The following TMEM132B variants were observed in gnomAD, a reference collection of about 807,000 sequenced individuals.
TMEM132B encodes transmembrane protein 132B.
In TMEM132B, 18 loss-of-function variants were observed where a neutral mutation model predicts 90.8. The ratio of observed to expected loss-of-function variants is 0.20; its 90% CI spans 0.14 to 0.29. The LOEUF (loss-of-function observed/expected upper bound fraction) is 0.29. TMEM132B is among the 10% of genes least tolerant of loss of function. The pLI, the probability that TMEM132B is intolerant of heterozygous loss-of-function variation, is 1.00. For missense variants in TMEM132B, 1,096 were observed against 1,326.8 expected (o/e 0.83, Z 2.70); for synonymous variants, 504 against 523.3 (o/e 0.96, Z 0.50).
At chr12:125,633,581 A>G (rs1340564695) in intron 5 of TMEM132B, among the ~76,000 whole-genome samples, 2 of 152,216 alleles carry the variant, frequency 1.3e-5, no homozygotes, top group Non-Finnish European at 2.9e-5. Context: ...AAGGCTTTCC[A>G]GGTATTCAAA....
intron 4 of TMEM132B, among the ~76,000 whole-genome samples, chr12:125,567,618 G>A (rs1404135418): frequency 6.6e-6 from 1 of 152,194 alleles, no homozygotes; most frequent in Non-Finnish European, 1.5e-5. Flanking sequence ...AAAGTTATGA[G>A]TTCAGGCTTG....
At position 125,277,502 on chromosome 12, in the gene TMEM132B, AACACACAC is replaced by A. The variant is rs60316781; in HGVS notation, c.68-71930_68-71923del. Among the ~76,000 whole-genome samples the A allele has an allele frequency of 1.4e-5, 2 of 143,180 alleles. No individual in the cohort carries two copies. Among genetic ancestry groups the A allele is most frequent in the African/African-American group, 2.7e-5 (1 of 37,384 alleles). The allele number at this position is 143,180 out of a possible 152,430, so 93.9% of individuals were successfully genotyped here. A position where few individuals can be genotyped will look rare whatever the true frequency, so the allele number is the denominator to read the frequency against. Reference sequence around the variant, plus strand: ...TCAAAAAAAAAAGATGAAGAGGGAGAACACACACACACACACACACACACACATACACA... The same window carrying A: ...TCAAAAAAAAAAGATGAAGAGGGAGAACACACACACACACACACATACACA... On this transcript the variant is annotated intron_variant, in intron 1 of 8. Transcript: ENST00000682704. The surrounding 1 kb of genome is among the most constrained non-coding windows in gnomAD (Gnocchi z 4.3).
chr12:125,228,751 A>C (rs1220202320), intron 1 of TMEM132B, among the ~76,000 whole-genome samples: 1 of 152,182 alleles, frequency 6.6e-6, no homozygotes, highest in Non-Finnish European at 1.5e-5. Context: ...CATTTTGTTT[A>C]GGAGGTGATG....
chr12:125,310,607 AC>A (rs1326844062), intron 1 of TMEM132B, among the ~76,000 whole-genome samples: 3 of 151,938 alleles, frequency 2.0e-5, no homozygotes, highest in African/African-American at 7.3e-5. Context: ...AGACTTCTCT[AC>A]TCGGAAAGCT....
At chr12:125,212,672 C>T (rs565049948) in intron 1 of TMEM132B, among the ~76,000 whole-genome samples, 5 of 152,074 alleles carry the variant, frequency 3.3e-5, no homozygotes, top group Admixed American at 6.5e-5. Flanking sequence ...CCAATCTGGG[C>T]GACAAGAGCG....
At chr12:125,604,615 A>G (rs1313340350) in intron 5 of TMEM132B, among the ~76,000 whole-genome samples, 1 of 152,192 alleles carries the variant, frequency 6.6e-6, no homozygotes, top group East Asian at 1.9e-4. Context: ...AAGTAAAATA[A>G]AAAAAATAAA....
At chr12:125,273,615 T>C (rs1156398074) in intron 1 of TMEM132B, among the ~76,000 whole-genome samples, 3 of 152,114 alleles carry the variant, frequency 2.0e-5, no homozygotes, top group African/African-American at 2.4e-5. Context: ...ATTATTTCTT[T>C]TACATAGGGT....
intron 3 of TMEM132B, among the ~76,000 whole-genome samples, chr12:125,504,826 C>T (rs1352547439): frequency 1.3e-5 from 2 of 151,740 alleles, no homozygotes; most frequent in African/African-American, 2.4e-5. Context: ...TCAGTCTTAC[C>T]GGCTTGAAGA....
At chr12:125,248,594 A>G (rs2136100135) in intron 1 of TMEM132B, among the ~76,000 whole-genome samples, 1 of 152,222 alleles carries the variant, frequency 6.6e-6, no homozygotes, top group East Asian at 1.9e-4. Context: ...AGTGTGCCCC[A>G]TGGAAGGCTA....
At chr12:125,463,562 A>T (rs1881492546) in intron 3 of TMEM132B, among the ~76,000 whole-genome samples, 1 of 152,118 alleles carries the variant, frequency 6.6e-6, no homozygotes, top group African/African-American at 2.4e-5. Context: ...GTGCACTTGG[A>T]GAGAGATTAA....
At chr12:125,572,698 T>C (rs752370704) in intron 4 of TMEM132B, among the ~76,000 whole-genome samples, 14 of 152,222 alleles carry the variant, frequency 9.2e-5, no homozygotes, top group Non-Finnish European at 1.8e-4. Flanking sequence ...TTTCTTATCA[T>C]CCTTTCAATC....
chr12:125,650,092 C>T (rs1886866987), intron 6 of TMEM132B, among the ~76,000 whole-genome samples: 1 of 152,108 alleles, frequency 6.6e-6, no homozygotes, highest in African/African-American at 2.4e-5. Context: ...ACTCAAGGAC[C>T]TCAGCTGATG....
At chr12:125,389,229 A>G (rs1878937240) in intron 2 of TMEM132B, among the ~76,000 whole-genome samples, 2 of 152,208 alleles carry the variant, frequency 1.3e-5, no homozygotes, top group African/African-American at 2.4e-5. Context: ...AGTGTTATGC[A>G]AAAATTAAAG....
At chr12:125,603,312 C>T (rs2136924291) in intron 5 of TMEM132B, among the ~76,000 whole-genome samples, 1 of 152,220 alleles carries the variant, frequency 6.6e-6, no homozygotes, top group Non-Finnish European at 1.5e-5. Context: ...ACATCTACAA[C>T]CATCTGATCT....
At chr12:125,590,620 C>G (rs1392621696) in intron 5 of TMEM132B, among the ~76,000 whole-genome samples, 2 of 152,212 alleles carry the variant, frequency 1.3e-5, no homozygotes, top group Non-Finnish European at 2.9e-5. Context: ...ACTTCCTAAT[C>G]ATCCACTTGT....
At chr12:125,489,324 A>T (rs1264213054) in intron 3 of TMEM132B, among the ~76,000 whole-genome samples, 2 of 152,180 alleles carry the variant, frequency 1.3e-5, no homozygotes, top group Non-Finnish European at 2.9e-5. Context: ...CAACTCACAT[A>T]TAGCAAAAAC....
At chr12:125,276,956 C>T (rs1593065320) in intron 1 of TMEM132B, among the ~76,000 whole-genome samples, 2 of 152,336 alleles carry the variant, frequency 1.3e-5, no homozygotes, top group South Asian at 4.1e-4. Flanking sequence ...TTTCATCACA[C>T]TGTCTTACCA....
rs185893697 is a variant in TMEM132B, at chr12:125,611,738, T to C, written c.1437+27744T>C. 2.4e-3 allele frequency among the ~76,000 whole-genome samples: 369 copies of C among 152,270 alleles called. 1 individual carries two copies. The highest frequency in any genetic ancestry group is 7.9e-3 in the African/African-American group (329 of 41,564). On this transcript the variant is annotated intron_variant, in intron 5 of 8. Coordinates refer to ENST00000682704, the MANE Select transcript of TMEM132B (RefSeq NM_001366854.1). ...CAAGTTTATTTATATTTTCTAAATT[T>C]CTGATTTAAGTCTATCATGATCCGA...
chr12:125,436,372 C>G (rs1273887429), intron 3 of TMEM132B, among the ~76,000 whole-genome samples: 2 of 152,294 alleles, frequency 1.3e-5, no homozygotes, highest in East Asian at 3.9e-4. Flanking sequence ...CGTACCTCTT[C>G]CCCTGTACCA....
Sources: allele counts gnomAD v4.1 joint callset (sites outside exome capture counted in the v4.1 genomes callset), GRCh38; gene constraint gnomAD v4.1.1; non-coding constraint Gnocchi (gnomAD v3.1); transcripts MANE v1.5; gene names NCBI Gene and HGNC (gene_info 2026-07-23, HGNC 2026-07-21).